Variants in ZNF264 observed in about 807,000 individuals in gnomAD.
ZNF264 encodes zinc finger protein 264.
A neutral mutation model predicts 11.2 loss-of-function variants in ZNF264; 11 were observed. That is an observed-to-expected ratio of 0.98 (90% CI 0.62 to 1.63). The LOEUF is 1.63. Among genes scored for constraint, ZNF264 ranks in the 40% most tolerant of loss-of-function variants. The pLI is 0.00. For missense variants in ZNF264, 752 were observed against 768.1 expected (o/e 0.98, Z 0.25); for synonymous variants, 309 against 279.8 (o/e 1.10, Z -1.04).
chr19:57,201,820 C>T (rs931869246), intron 2 of ZNF264, among the ~76,000 whole-genome samples: 13 of 151,798 alleles, frequency 8.6e-5, no homozygotes, highest in African/African-American at 2.9e-4. Context: ...CAGCCTTCCC[C>T]GGGCAGAACT....
chr19:57,191,744 C>T lies in ZNF264; in HGVS notation c.-170C>T. On this transcript the variant is annotated 5_prime_UTR_variant, in exon 1 of 4. Coordinates refer to ENST00000263095, the MANE Select transcript of ZNF264 (RefSeq NM_003417.5). ...GCGCCCTGGGTCTGGAACGCGGTTGCCACCGAGGAGGCGGCGGCCCTGCGT... is the reference window on the plus strand; with the variant it reads ...GCGCCCTGGGTCTGGAACGCGGTTGTCACCGAGGAGGCGGCGGCCCTGCGT... 4.5e-6 allele frequency: 2 copies of T among 446,324 alleles called. No individual in the cohort carries two copies. The highest frequency in any genetic ancestry group is 2.1e-5 in the African/African-American group (1 of 47,834). 27.6% of individuals were successfully genotyped at this position (446,324 alleles called of 1,614,324 possible).
chr19:57,202,000 G>GT (rs1263883140), intron 2 of ZNF264, among the ~76,000 whole-genome samples: 1 of 151,692 alleles, frequency 6.6e-6, no homozygotes, highest in Non-Finnish European at 1.5e-5. Context: ...GAGCCCAGGA[G>GT]TTTGAGACCA....
chr19:57,202,197 G>A (rs1490259347), intron 2 of ZNF264, among the ~76,000 whole-genome samples: 2 of 151,748 alleles, frequency 1.3e-5, no homozygotes, highest in Non-Finnish European at 2.9e-5. Flanking sequence ...GCGACAGAGT[G>A]AGACCCTGTC....
chr19:57,192,360 C>T, intron 1 of ZNF264: 1 of 985,350 alleles, frequency 1.0e-6, no homozygotes, highest in East Asian at 1.1e-4. Context: ...TTTCCTGCGG[C>T]CGCTGAGACG....
At chr19:57,198,386 C>A (rs1347225995) in intron 2 of ZNF264, among the ~76,000 whole-genome samples, 1 of 151,944 alleles carries the variant, frequency 6.6e-6, no homozygotes, top group African/African-American at 2.4e-5. Flanking sequence ...TGGCACTAAT[C>A]TCCACAGTCC....
chr19:57,192,519 G>A (rs1230584190), intron 1 of ZNF264: 3 of 985,374 alleles, frequency 3.0e-6, no homozygotes, highest in East Asian at 1.1e-4. Flanking sequence ...AAGTATCCTG[G>A]CGTCAGAGAC....
In ZNF264 at chr19:57,214,562, A is replaced by C. The variant is rs934725438; in HGVS notation, c.*1581A>C. 3.3e-5 allele frequency: 5 copies of C among 152,270 alleles called. No homozygotes were observed. The highest frequency in any genetic ancestry group is 1.2e-4 in the African/African-American group (5 of 41,442). 9.4% of individuals were successfully genotyped at this position (152,270 alleles called of 1,614,324 possible). A position where few individuals can be genotyped will look rare whatever the true frequency, so the allele number is the denominator to read the frequency against. Reference sequence around the variant, plus strand: ...GAGACAGGGTTTCACCATGGTGCCCAGGCTGGTCTTGAACTCCTGGGCTCA... The same window carrying C: ...GAGACAGGGTTTCACCATGGTGCCCCGGCTGGTCTTGAACTCCTGGGCTCA... On this transcript the variant is annotated 3_prime_UTR_variant, in exon 4 of 4. Transcript: ENST00000263095.
chr19:57,195,010 G>C (rs4801440), intron 2 of ZNF264: 34,516 of 382,750 alleles, frequency 0.09, 4,220 homozygotes, highest in African/African-American at 0.39. Flanking sequence ...AGGGACTTCT[G>C]GTGACTGTGT....
intron 2 of ZNF264, among the ~76,000 whole-genome samples, chr19:57,195,140 A>G (rs2087202990): frequency 6.6e-6 from 1 of 152,204 alleles, no homozygotes; most frequent in South Asian, 2.1e-4. Context: ...ATCATACATA[A>G]TCTTCAAATA....
In ZNF264 at chr19:57,212,528, C is replaced by T. The variant is rs771733740; in HGVS notation, c.1431C>T (p.His477=). Reference sequence around the variant, plus strand: ...ACCTCATTCGCCACTTCAGCATCCACACTGGAGAGAAGCCCTATGAGTGCG... The same window carrying T: ...ACCTCATTCGCCACTTCAGCATCCATACTGGAGAGAAGCCCTATGAGTGCG... ...RKDLIRHFSI[H]TGEKPYECVE... is the part of the protein sequence containing the mutation. The change falls in exon 4 of 4, where the codon CAC becomes CAT. Residue 477 remains histidine (H), a synonymous_variant. Coordinates refer to ENST00000263095, the MANE Select transcript of ZNF264 (RefSeq NM_003417.5). The T allele has an allele frequency of 6.2e-7, 1 of 1,613,974 alleles. No homozygotes were observed. Among genetic ancestry groups the T allele is most frequent in the Non-Finnish European group, 8.5e-7 (1 of 1,180,014 alleles).
In ZNF264 at chr19:57,212,634, T is replaced by C. The variant is rs764804229; in HGVS notation, c.1537T>C (p.Cys513Arg). 1.2e-6 allele frequency: 2 copies of C among 1,614,036 alleles called. No homozygotes were observed. The highest frequency in any genetic ancestry group is 1.7e-6 in the Non-Finnish European group (2 of 1,180,016). The change falls in exon 4 of 4, where the codon TGT becomes CGT. Residue 513 changes from cysteine (C) to arginine (R), a missense_variant. Cys to Arg is a radical substitution (Grantham distance 180). Transcript: ENST00000263095. ...RIHSGEKPYE[C>R]VECGKSFCWS... ...TCATAGTGGAGAGAAGCCCTATGAA[T>C]GTGTTGAGTGTGGGAAATCGTTTTG... is the stretch of plus-strand genomic sequence containing the variant.
chr19:57,204,230 A>C (rs569022715), intron 2 of ZNF264, among the ~76,000 whole-genome samples: 202 of 151,730 alleles, frequency 1.3e-3, no homozygotes, highest in African/African-American at 4.8e-3. Flanking sequence ...AAAAAAAAAA[A>C]AAAAACTGTG....
intron 1 of ZNF264, chr19:57,192,564 A>C (rs1024774116): frequency 1.0e-6 from 1 of 985,122 alleles, no homozygotes; most frequent in African/African-American, 1.7e-5. Context: ...AAAGAGGCCG[A>C]TGGTTGGTTC....
chr19:57,207,504 T>C (rs1221105263), intron 3 of ZNF264, among the ~76,000 whole-genome samples: 2 of 151,580 alleles, frequency 1.3e-5, no homozygotes, highest in African/African-American at 2.4e-5. Context: ...TGTGATTCTC[T>C]ACTCAACCTA....
Position 57,220,633 on chromosome 19 carries a change from A to G in ZNF264, c.*7652A>G, listed in dbSNP as rs1445897117. Reference sequence around the variant, plus strand: ...GGCCACACACAGCAAAGTTATTTTTATTGCAATTTTGTTGTTGTTGTTTGA... The same window carrying G: ...GGCCACACACAGCAAAGTTATTTTTGTTGCAATTTTGTTGTTGTTGTTTGA... On this transcript the variant is annotated 3_prime_UTR_variant, in exon 4 of 4. Coordinates refer to ENST00000263095, the MANE Select transcript of ZNF264 (RefSeq NM_003417.5). The G allele has an allele frequency of 6.6e-6, 1 of 151,466 alleles. No individual in the cohort carries two copies. Among genetic ancestry groups the G allele is most frequent in the Non-Finnish European group, 1.5e-5 (1 of 67,926 alleles). 9.4% of individuals were successfully genotyped at this position (151,466 alleles called of 1,614,324 possible).
intron 1 of ZNF264, chr19:57,193,667 G>A (rs1238022726): frequency 6.5e-6 from 4 of 616,852 alleles, no homozygotes; most frequent in Non-Finnish European, 8.1e-6. Flanking sequence ...TTCTCTAACG[G>A]CCGTTAAATA....
intron 3 of ZNF264, among the ~76,000 whole-genome samples, chr19:57,208,818 G>A (rs1038399163): frequency 6.6e-6 from 1 of 152,128 alleles, no homozygotes; most frequent in Non-Finnish European, 1.5e-5. Context: ...GAGAGGTTCC[G>A]TTGACCCATA....
At chr19:57,198,101 A>G (rs2087225495) in intron 2 of ZNF264, among the ~76,000 whole-genome samples, 2 of 152,024 alleles carry the variant, frequency 1.3e-5, no homozygotes, top group Admixed American at 1.3e-4. Context: ...AGCTGAAGGC[A>G]AATTGCTTCT....
In ZNF264 at chr19:57,197,838, A is replaced by G. The variant is rs1042585249; in HGVS notation, c.160+3837A>G. 2.6e-5 allele frequency among the ~76,000 whole-genome samples: 4 copies of G among 151,986 alleles called. 1 individual carries two copies. The highest frequency in any genetic ancestry group is 2.1e-4 in the South Asian group (1 of 4,830). On this transcript the variant is annotated intron_variant, in intron 2 of 3. Coordinates refer to ENST00000263095, the MANE Select transcript of ZNF264 (RefSeq NM_003417.5). The stretch of plus-strand genomic sequence containing the variant: ...GGACCCCTAGAAATTTTACTGAGGT[A>G]GAAGGTCCCTAAATTTTAGTCAGAT...
Sources: gnomAD v4.1 joint callset for allele counts (sites outside exome capture counted in the v4.1 genomes callset) on GRCh38, gnomAD v4.1.1 for gene constraint, MANE v1.5 for transcripts, NCBI Gene and HGNC (gene_info 2026-07-23, HGNC 2026-07-21) for gene names.